Variants in APAF1 observed in about 807,000 individuals in gnomAD.
APAF1 encodes the protein apoptotic protease-activating factor 1.
Under a neutral mutation model 152.4 loss-of-function variants are expected in APAF1, and 91 were observed. The ratio of observed to expected loss-of-function variants is 0.60; its 90% CI spans 0.50 to 0.71. The LOEUF (loss-of-function observed/expected upper bound fraction) is 0.71, where lower values mean the gene tolerates loss of function less well. Ranked by LOEUF, APAF1 falls within the 30% of genes least tolerant of loss-of-function variation. APAF1 has a pLI of 0.00. For missense variants in APAF1, 1,283 were observed against 1,472.0 expected (o/e 0.87, Z 2.10); for synonymous variants, 484 against 494.1 (o/e 0.98, Z 0.27).
intron 23 of APAF1, 98 bp from the exon 24 acceptor site, chr12:98,723,541 C>A (rs2097746036): frequency 8.1e-7 from 1 of 1,228,200 alleles, no homozygotes; most frequent in Non-Finnish European, 1.2e-6. Context: ...TGTATTAAAA[C>A]TCTTGTTTTA....
chr12:98,688,638 ATT>A (rs34602173), intron 16 of APAF1, among the ~76,000 whole-genome samples: 3,796 of 119,162 alleles, frequency 0.032, 161 homozygotes, highest in African/African-American at 0.11. Flanking sequence ...ACCTGGCGAA[ATT>A]TTTTTTTTTT....
At chr12:98,672,879 C>T (rs890706946) in intron 12 of APAF1, among the ~76,000 whole-genome samples, 18 of 151,788 alleles carry the variant, frequency 1.2e-4, no homozygotes, top group African/African-American at 3.1e-4. Context: ...CTCAGCCTCC[C>T]GAGTAGCTGG....
At chr12:98,677,884 A>G (rs1173727272) in intron 13 of APAF1, among the ~76,000 whole-genome samples, 5 of 152,236 alleles carry the variant, frequency 3.3e-5, no homozygotes, top group Admixed American at 3.3e-4. Context: ...ATTAAAAAAC[A>G]GTGATTAGGA....
chr12:98,703,824 T>C (rs1028191171), intron 18 of APAF1, among the ~76,000 whole-genome samples: 1 of 152,220 alleles, frequency 6.6e-6, no homozygotes, highest in Non-Finnish European at 1.5e-5. Context: ...AGTATAGATA[T>C]GTGGCATTTC....
At chr12:98,668,263 G>T (rs1407062742) in intron 10 of APAF1, among the ~76,000 whole-genome samples, 1 of 152,074 alleles carries the variant, frequency 6.6e-6, no homozygotes, top group Non-Finnish European at 1.5e-5. Context: ...ATTAGAAAAG[G>T]TACCTTAGTA....
At chr12:98,654,477 T>C (rs1043322166) in intron 4 of APAF1, among the ~76,000 whole-genome samples, 1 of 152,146 alleles carries the variant, frequency 6.6e-6, no homozygotes, top group Non-Finnish European at 1.5e-5. Flanking sequence ...TGGGGTGCAA[T>C]GATCTCAGCT....
At chr12:98,691,076 G>A (rs567664372) in intron 16 of APAF1, among the ~76,000 whole-genome samples, 3 of 152,148 alleles carry the variant, frequency 2.0e-5, no homozygotes, top group South Asian at 4.2e-4. Context: ...GCGTGGTGGC[G>A]CATGCCTGTA....
At chr12:98,683,402 T>C in intron 15 of APAF1, 128 bp downstream of exon 15, 2 of 958,660 alleles carry the variant, frequency 2.1e-6, no homozygotes, top group Non-Finnish European at 3.2e-6. Context: ...AATAATATAT[T>C]AGCTGAAGCA....
intron 5 of APAF1, among the ~76,000 whole-genome samples, chr12:98,660,930 G>A (rs545399113): frequency 1.3e-5 from 2 of 152,298 alleles, no homozygotes; most frequent in African/African-American, 4.8e-5. Context: ...AGCCTACTAG[G>A]TGATTCTGAT....
chr12:98,670,963 T>C lies in APAF1; in HGVS notation c.1495-10T>C. 1 of 1,601,740 alleles carries C rather than the reference T, an allele frequency of 6.2e-7. No homozygotes were observed. The highest frequency in any genetic ancestry group is 8.6e-7 in the Non-Finnish European group (1 of 1,169,144). On this transcript the variant is annotated splice_polypyrimidine_tract_variant and intron_variant, in intron 10 of 26. Transcript: ENST00000551964. ...ACAGTGCTGCTGATACTACTTTTTG[T>C]TTTTTAAAGGAACTTTGTGCTTTAA...
intron 26 of APAF1, among the ~76,000 whole-genome samples, chr12:98,727,534 G>A (rs1172657013): frequency 4.4e-5 from 5 of 113,442 alleles, no homozygotes; most frequent in Non-Finnish European, 5.2e-5. Flanking sequence ...GTGACAGAGC[G>A]ACATCCTGTC....
chr12:98,725,207 C>A (rs937389364), intron 24 of APAF1, among the ~76,000 whole-genome samples: 1 of 152,102 alleles, frequency 6.6e-6, no homozygotes, highest in Admixed American at 6.5e-5. Flanking sequence ...TGACATTGAT[C>A]CTTGAGCTGA....
At chr12:98,728,927 C>G (rs1205320884) in intron 26 of APAF1, among the ~76,000 whole-genome samples, 1 of 152,164 alleles carries the variant, frequency 6.6e-6, no homozygotes, top group East Asian at 1.9e-4. Context: ...TATCTATCCA[C>G]TCAAAAAGAC....
In APAF1 at chr12:98,723,636, A is replaced by G. The variant is rs746246585; in HGVS notation, c.3205-3A>G. Reference sequence around the variant, plus strand: ...CTCCAAGTGTTTTTTTTTTTTTTTTAAGGTATGGAATATTATTACTGGAAA... The same window carrying G: ...CTCCAAGTGTTTTTTTTTTTTTTTTGAGGTATGGAATATTATTACTGGAAA... On this transcript the variant is annotated splice_region_variant and splice_polypyrimidine_tract_variant and intron_variant, in intron 23 of 26. Coordinates refer to ENST00000551964, the MANE Select transcript of APAF1 (RefSeq NM_181861.2). 1.5e-5 allele frequency: 20 copies of G among 1,345,066 alleles called. No individual in the cohort carries two copies. Among genetic ancestry groups the G allele is most frequent in the Non-Finnish European group, 4.1e-6 (4 of 978,872 alleles). 83.3% of individuals were successfully genotyped at this position (1,345,066 alleles called of 1,614,324 possible). A position where few individuals can be genotyped will look rare whatever the true frequency, so the allele number is the denominator to read the frequency against.
intron 7 of APAF1, 96 bp from the exon 8 acceptor site, chr12:98,665,457 A>G (rs1352388296): frequency 5.8e-6 from 5 of 858,122 alleles, no homozygotes; most frequent in Non-Finnish European, 8.0e-6. Context: ...AACATGCAGC[A>G]GAAATTGTTT....
chr12:98,704,299 C>CTTCA (rs778635647), intron 18 of APAF1, among the ~76,000 whole-genome samples: 2 of 152,152 alleles, frequency 1.3e-5, no homozygotes, highest in South Asian at 2.1e-4. Context: ...CTTTCTTAGT[C>CTTCA]TTCATTCCTT....
At chr12:98,702,087 A>G (rs2097716024) in intron 17 of APAF1, among the ~76,000 whole-genome samples, 1 of 150,426 alleles carries the variant, frequency 6.6e-6, no homozygotes, top group Non-Finnish European at 1.5e-5. Context: ...TTTTTTTGAG[A>G]TGGAGTCTCG....
chr12:98,709,542 G>A (rs11837006), intron 20 of APAF1, among the ~76,000 whole-genome samples: 3,644 of 152,254 alleles, frequency 0.024, 134 homozygotes, highest in African/African-American at 0.081. Context: ...TGACAGAGAT[G>A]TCCTGGAAGT....
chr12:98,672,121 A>G (rs921980266), intron 12 of APAF1, among the ~76,000 whole-genome samples: 1 of 151,874 alleles, frequency 6.6e-6, no homozygotes, highest in Non-Finnish European at 1.5e-5. Context: ...GGAGATAACA[A>G]TCCTTTGAAA....
Sources: gnomAD v4.1 joint callset for allele counts (sites outside exome capture counted in the v4.1 genomes callset) on GRCh38, gnomAD v4.1.1 for gene constraint, MANE v1.5 for transcripts, NCBI Gene and HGNC (gene_info 2026-07-23, HGNC 2026-07-21) for gene names.